MED13L: variants seen among roughly 807,000 people sequenced by gnomAD.
MED13L encodes the protein mediator of RNA polymerase II transcription subunit 13-like.
Under a neutral mutation model 220.9 loss-of-function variants are expected in MED13L, and 7 were observed. The ratio of observed to expected loss-of-function variants is 0.03; its 90% confidence interval spans 0.02 to 0.06. The LOEUF (loss-of-function observed/expected upper bound fraction) is 0.06. Among genes scored for constraint, MED13L ranks in the 10% least tolerant of loss-of-function variants. The pLI, the probability that MED13L is intolerant of heterozygous loss-of-function variation, is 1.00. For missense variants in MED13L, 1,965 were observed against 2,760.5 expected (o/e 0.71, Z 6.46); for synonymous variants, 1,011 against 1,015.2 (o/e 1.00, Z 0.08).
At chr12:116,069,189 G>A (rs965533222) in intron 4 of MED13L, among the ~76,000 whole-genome samples, 5 of 152,198 alleles carry the variant, frequency 3.3e-5, no homozygotes, top group Admixed American at 1.3e-4. Flanking sequence ...AAGATGATAC[G>A]TGGAACCAAG....
intron 3 of MED13L, 95 bp from the exon 4 acceptor site, chr12:116,096,847 T>C: frequency 2.3e-6 from 2 of 853,916 alleles, no homozygotes; most frequent in Admixed American, 1.9e-5. Flanking sequence ...TCACCAAAAA[T>C]AAAAACACCA....
At position 115,975,545 on chromosome 12, in the gene MED13L, G is replaced by T. The variant is rs755204016; in HGVS notation, c.5558C>A (p.Thr1853Asn). The part of the protein sequence containing the change: ...CTDLHGELLE[T>N]CVVNIALPNR... ...TGGTAAAGCAATATTTACAACGCAG[G>T]TCTCTAATAATTCCCCATGGAGGTC... The change falls in exon 24 of 31, where the codon ACC becomes AAC. Residue 1853 changes from threonine to asparagine, a missense_variant. By Grantham distance (65) the Thr-to-Asn change is moderately conservative (BLOSUM62 0). This residue lies in a region of MED13L where 510 missense variants were observed against 620.4 expected (regional missense o/e 0.82). Coordinates refer to ENST00000281928, the MANE Select transcript of MED13L (RefSeq NM_015335.5). The T allele has an allele frequency of 2.5e-6, 4 of 1,614,098 alleles. No individual in the cohort carries two copies. The South Asian group carries it at 4.4e-5, about 18-fold the overall frequency.
chr12:116,068,364 G>A (rs1280884525), intron 4 of MED13L, among the ~76,000 whole-genome samples: 2 of 152,102 alleles, frequency 1.3e-5, no homozygotes, highest in Admixed American at 6.6e-5. Context: ...AATTAAATAC[G>A]AATTTATTGA....
chr12:115,987,569 C>T (rs898643058), intron 17 of MED13L, among the ~76,000 whole-genome samples: 2 of 151,958 alleles, frequency 1.3e-5, no homozygotes, highest in African/African-American at 2.4e-5. Flanking sequence ...TGGATAGGTG[C>T]GACTTTTTAA....
At chr12:116,272,013 T>C in intron 1 of MED13L, among the ~76,000 whole-genome samples, 1 of 149,918 alleles carries the variant, frequency 6.7e-6, no homozygotes, top group East Asian at 2.0e-4. Flanking sequence ...TCAAAAAAAA[T>C]CTACTCTATC....
chr12:116,007,551 G>A lies in MED13L; in HGVS notation c.2098C>T (p.Pro700Ser), dbSNP rs751837959. The A allele has an allele frequency of 2.0e-5, 33 of 1,612,550 alleles. No individual in the cohort carries two copies. The South Asian group carries it at 3.2e-4, about 16-fold the overall frequency. Residue 700 changes from proline to serine, a missense_variant, in exon 11 of 31, where the codon CCT becomes TCT. Physicochemically the swap from Pro to Ser is moderately conservative, Grantham distance 74. Around this residue, in one of 10 missense-constraint regions of MED13L, gnomAD observed 818 missense variants for 1,041.2 expected, o/e 0.79. Transcript: ENST00000281928. ...LQPLHFLDPL[P>S]LSQQPGDSLG... ...CTGTCTCCAGGTTGTTGTGATAGAG[G>A]CAATGGGTCAAGGAAGTGGAGTGGC...
intron 1 of MED13L, among the ~76,000 whole-genome samples, chr12:116,265,501 T>C (rs1872767896): frequency 6.6e-6 from 1 of 152,238 alleles, no homozygotes; most frequent in South Asian, 2.1e-4. Flanking sequence ...TTCTATATCG[T>C]CTTGGATTAT....
intron 2 of MED13L, among the ~76,000 whole-genome samples, chr12:116,139,665 G>A (rs867982608): frequency 2.0e-5 from 3 of 152,032 alleles, no homozygotes; most frequent in East Asian, 1.9e-4. Context: ...CCTAGCAAAC[G>A]GTATTAACAA....
intron 8 of MED13L, among the ~76,000 whole-genome samples, chr12:116,014,650 C>A (rs1026692916): frequency 6.6e-6 from 1 of 152,106 alleles, no homozygotes; most frequent in East Asian, 1.9e-4. Flanking sequence ...ATAATAAACA[C>A]CCCTCCAACT....
intron 2 of MED13L, 86 bp from the exon 3 acceptor site, chr12:116,111,598 G>T: frequency 9.8e-7 from 1 of 1,018,632 alleles, no homozygotes; most frequent in Non-Finnish European, 1.5e-6. Flanking sequence ...TTTTTCTAAA[G>T]CAAAGTTCAT....
At chr12:116,260,038 C>G (rs1252293385) in intron 1 of MED13L, among the ~76,000 whole-genome samples, 2 of 152,164 alleles carry the variant, frequency 1.3e-5, no homozygotes, top group African/African-American at 4.8e-5. Flanking sequence ...TAAATCTGAT[C>G]TAATGGAGCG....
intron 4 of MED13L, among the ~76,000 whole-genome samples, chr12:116,057,878 CTT>C (rs1869106671): frequency 2.0e-5 from 3 of 151,900 alleles, no homozygotes; most frequent in Non-Finnish European, 1.5e-5. Flanking sequence ...AAAATAAAGT[CTT>C]ATTTTAAATC....
At chr12:116,164,453 T>C (rs527826445) in intron 2 of MED13L, among the ~76,000 whole-genome samples, 1 of 152,228 alleles carries the variant, frequency 6.6e-6, no homozygotes, top group African/African-American at 2.4e-5. Flanking sequence ...TTTGTTTATT[T>C]ATTTAACTGA....
In MED13L at chr12:115,991,122, C is replaced by T; in HGVS notation, c.3832G>A (p.Ala1278Thr). 1 of 1,614,178 alleles carries T rather than the reference C, an allele frequency of 6.2e-7. No individual in the cohort carries two copies. Among genetic ancestry groups the T allele is most frequent in the Non-Finnish European group, 8.5e-7 (1 of 1,180,018 alleles). ...NNDYWTECFNALEQGRQYVDN... is the reference protein window; with the variant it reads ...NNDYWTECFNTLEQGRQYVDN... The stretch of plus-strand genomic sequence containing the variant: ...ACATACTGCCGCCCCTGCTCCAACG[C>T]ATTAAAGCATTCCGTCCAGTAATCA... Residue 1278 changes from alanine to threonine, a missense_variant, in exon 17 of 31, where the codon GCG (alanine) becomes ACG (threonine). Physicochemically the swap from Ala to Thr is moderately conservative, Grantham distance 58. Coordinates refer to ENST00000281928, the MANE Select transcript of MED13L (RefSeq NM_015335.5). This position sits in a 1 kb window ranked among gnomAD's most constrained non-coding sequence, Gnocchi z 7.7.
chr12:115,965,948 G>T, intron 29 of MED13L, 134 bp downstream of exon 29: 1 of 1,132,624 alleles, frequency 8.8e-7, no homozygotes, highest in Non-Finnish European at 1.3e-6. Context: ...AATTTCCTCA[G>T]AGTATAAGTA....
intron 3 of MED13L, among the ~76,000 whole-genome samples, chr12:116,100,193 T>G (rs1872948864): frequency 6.6e-6 from 1 of 152,108 alleles, no homozygotes; most frequent in Non-Finnish European, 1.5e-5. Flanking sequence ...AGGTGTGCCT[T>G]TTCTAAGGAA....
In MED13L at chr12:116,120,473, TCTCTCACACA is replaced by T. The variant is rs781331820; in HGVS notation, c.311-8971_311-8962del. ...CTCTCTCTCTCTCTCTCTCTCTCTCTCTCTCACACACACACACACACACACACACACACAC... is the reference window on the plus strand; with the variant it reads ...CTCTCTCTCTCTCTCTCTCTCTCTCTCACACACACACACACACACACACAC... On this transcript the variant is annotated intron_variant, in intron 2 of 30. Coordinates refer to ENST00000281928, the MANE Select transcript of MED13L (RefSeq NM_015335.5). 1.0e-2 allele frequency among the ~76,000 whole-genome samples: 1,008 copies of T among 101,054 alleles called. 6 individuals carry two copies. The highest frequency in any genetic ancestry group is 0.023 in the Middle Eastern group (4 of 176). 66.3% of individuals were successfully genotyped at this position (101,054 alleles called of 152,430 possible).
chr12:116,007,645 C>CCAAAAAA lies in MED13L; in HGVS notation c.2013-10_2013-9insTTTTTTG, dbSNP rs1555247737. On this transcript the variant is annotated splice_polypyrimidine_tract_variant and intron_variant, in intron 10 of 30. Coordinates refer to ENST00000281928, the MANE Select transcript of MED13L (RefSeq NM_015335.5). ...TAGGTTGTGCTAAGAGTCTAAAAGA[C>CCAAAAAA]AAAAAAAAAAAAAAAAAAAAGAGCA... 1 of 653,666 alleles carries CCAAAAAA rather than the reference C, an allele frequency of 1.5e-6. No individual in the cohort carries two copies. The highest frequency in any genetic ancestry group is 2.9e-5 in the African/African-American group (1 of 34,460). The allele number at this position is 653,666 out of a possible 1,614,324, so 40.5% of individuals were successfully genotyped here.
At chr12:116,260,062 CA>C (rs1162492562) in intron 1 of MED13L, among the ~76,000 whole-genome samples, 5 of 152,084 alleles carry the variant, frequency 3.3e-5, no homozygotes, top group African/African-American at 4.8e-5. Flanking sequence ...GGAACATGGA[CA>C]AATGTTTTAC....
Sources: gnomAD v4.1 joint callset for allele counts (sites outside exome capture counted in the v4.1 genomes callset) on GRCh38, gnomAD v4.1.1 for gene constraint, gnomAD v4.1.1 regional missense constraint, Gnocchi (gnomAD v3.1) non-coding constraint, MANE v1.5 for transcripts, NCBI Gene and HGNC (gene_info 2026-07-23, HGNC 2026-07-21) for gene names.